Variants in SCARA3 observed in about 807,000 individuals in gnomAD.
The protein encoded by SCARA3 is scavenger receptor class A member 3.
SCARA3 carries 39 observed loss-of-function variants against 47.0 expected under a neutral mutation model. The observed-to-expected ratio is 0.83, with a 90% CI of 0.64 to 1.08. The LOEUF (loss-of-function observed/expected upper bound fraction) is 1.08. Ranked by LOEUF, SCARA3 falls within the 50% of genes least tolerant of loss-of-function variation. SCARA3 has a pLI of 0.00. For synonymous variants in SCARA3, 356 were observed against 334.1 expected (o/e 1.07, Z -0.71); for missense variants, 724 against 792.3 (o/e 0.91, Z 1.04).
chr8:27,696,837 G>A, the SCARA3 span, among the ~76,000 whole-genome samples: 1 of 152,180 alleles, frequency 6.6e-6, no homozygotes, highest in Admixed American at 6.5e-5. Flanking sequence ...TCCAGAAGAG[G>A]CAAATCTAGA....
In SCARA3 at chr8:27,658,785, T is replaced by G. The variant is rs28367191; in HGVS notation, c.615T>G (p.Ser205=). 605 of 1,614,066 alleles carry G rather than the reference T, an allele frequency of 3.7e-4. 1 individual carries two copies. The African/African-American group carries it at 6.9e-3, about 18-fold the overall frequency. ...WQATTAGLDL[S]LKDLTQECYD... is the part of the protein sequence containing the mutation. ...CCACCACAGCTGGCCTGGACCTCTC[T>G]CTGAAGGACCTCACCCAGGAGTGCT... Residue 205 remains serine (S), a synonymous_variant, in exon 5 of 6, where the codon TCT becomes TCG. Transcript: ENST00000301904.
the SCARA3 span, chr8:27,733,454 G>A: frequency 2.0e-5 from 3 of 152,248 alleles, no homozygotes; most frequent in Admixed American, 6.5e-5. Context: ...GAACTCACAC[G>A]TGCCCGGCAG....
chr8:27,725,668 T>G, the SCARA3 span, among the ~76,000 whole-genome samples: 1 of 152,240 alleles, frequency 6.6e-6, no homozygotes, highest in Non-Finnish European at 1.5e-5. Context: ...GCAGGCCAGC[T>G]GGGATCATGG....
At chr8:27,669,499 G>T (rs1478104079) in intron 5 of SCARA3, among the ~76,000 whole-genome samples, 2 of 152,228 alleles carry the variant, frequency 1.3e-5, no homozygotes, top group Admixed American at 6.5e-5. Context: ...GCTGCCAGGG[G>T]CTCCTGCAGG....
At chr8:27,711,316 T>A in the SCARA3 span, among the ~76,000 whole-genome samples, 1 of 152,216 alleles carries the variant, frequency 6.6e-6, no homozygotes, top group East Asian at 1.9e-4. Context: ...GATTCTGGTA[T>A]TGCATCTTCA....
At chr8:27,728,757 C>T in the SCARA3 span, among the ~76,000 whole-genome samples, 2 of 152,164 alleles carry the variant, frequency 1.3e-5, no homozygotes, top group East Asian at 3.9e-4. Flanking sequence ...GGCGGGATGG[C>T]TCATGCCTGT....
chr8:27,731,212 G>T, the SCARA3 span, among the ~76,000 whole-genome samples: 1 of 150,556 alleles, frequency 6.6e-6, no homozygotes, highest in East Asian at 2.0e-4. Flanking sequence ...CAATCCTCCT[G>T]CCTTGGCCTC....
chr8:27,732,195 G>T, the SCARA3 span, among the ~76,000 whole-genome samples: 1 of 152,166 alleles, frequency 6.6e-6, no homozygotes, highest in African/African-American at 2.4e-5. Flanking sequence ...TGGGATTGAT[G>T]TTGGAACAAA....
chr8:27,727,764 C>T, the SCARA3 span, among the ~76,000 whole-genome samples: 3 of 152,102 alleles, frequency 2.0e-5, no homozygotes, highest in Non-Finnish European at 2.9e-5. Flanking sequence ...GTTATGTTAC[C>T]GGGTATTCAT....
the SCARA3 span, among the ~76,000 whole-genome samples, chr8:27,693,006 G>T: frequency 6.6e-6 from 1 of 151,764 alleles, no homozygotes; most frequent in African/African-American, 2.4e-5. Flanking sequence ...TGCACTTGTA[G>T]TCCCAGCAAG....
chr8:27,699,995 A>G, the SCARA3 span, among the ~76,000 whole-genome samples: 3 of 152,218 alleles, frequency 2.0e-5, no homozygotes, highest in Non-Finnish European at 4.4e-5. Flanking sequence ...AAACTTTGAT[A>G]TTACCTCATA....
At chr8:27,696,528 C>A in the SCARA3 span, among the ~76,000 whole-genome samples, 2 of 152,012 alleles carry the variant, frequency 1.3e-5, no homozygotes, top group African/African-American at 2.4e-5. Context: ...AGGCTCACTG[C>A]AGCCTCAAAC....
At chr8:27,717,565 A>G in the SCARA3 span, among the ~76,000 whole-genome samples, 5 of 152,170 alleles carry the variant, frequency 3.3e-5, no homozygotes, top group African/African-American at 1.2e-4. Context: ...CGGGCAGATT[A>G]CTTGAGGTCG....
the SCARA3 span, among the ~76,000 whole-genome samples, chr8:27,712,020 A>C: frequency 6.6e-6 from 1 of 152,242 alleles, no homozygotes; most frequent in Non-Finnish European, 1.5e-5. Context: ...CAGTAGGAGA[A>C]TAAAACAAGA....
the SCARA3 span, among the ~76,000 whole-genome samples, chr8:27,708,277 T>C: frequency 3.5e-4 from 53 of 152,222 alleles, no homozygotes; most frequent in African/African-American, 1.2e-3. Context: ...TATAGAACAT[T>C]ATGCAGGTGA....
chr8:27,662,960 TCACATAGGATGCAAATATCTTCAGTA>T, intron 5 of SCARA3, among the ~76,000 whole-genome samples: 1 of 152,248 alleles, frequency 6.6e-6, no homozygotes. Flanking sequence ...TGGTGAGGAT[TCACATAGGATGCAAATATCTTCAGTA>T]TTTTTGCCTA....
At chr8:27,706,410 C>T in the SCARA3 span, among the ~76,000 whole-genome samples, 1 of 152,158 alleles carries the variant, frequency 6.6e-6, no homozygotes, top group Non-Finnish European at 1.5e-5. Flanking sequence ...GCCTCGGCCT[C>T]CCAAAATGCT....
the SCARA3 span, among the ~76,000 whole-genome samples, chr8:27,686,964 G>A: frequency 1.2e-4 from 18 of 145,108 alleles, no homozygotes; most frequent in African/African-American, 3.0e-4. Flanking sequence ...CCCCTCGACA[G>A]GCCCCATTGT....
intron 1 of SCARA3, among the ~76,000 whole-genome samples, chr8:27,635,803 AACAC>A (rs1009467683): frequency 6.6e-6 from 1 of 152,070 alleles, no homozygotes; most frequent in Non-Finnish European, 1.5e-5. Context: ...CCAACACACA[AACAC>A]ACACACTTTC....
Sources: allele counts gnomAD v4.1 joint callset (sites outside exome capture counted in the v4.1 genomes callset), GRCh38; gene constraint gnomAD v4.1.1; transcripts MANE v1.5; gene names NCBI Gene and HGNC (gene_info 2026-07-23, HGNC 2026-07-21).